The following CDK20 variants were observed in gnomAD, a reference collection of about 807,000 sequenced individuals.
CDK20 encodes the protein cyclin dependent kinase 20, also known as cyclin-dependent kinase 20.
A neutral mutation model predicts 38.6 loss-of-function variants in CDK20; 40 were observed. That is an observed-to-expected ratio of 1.04 (90% CI 0.81 to 1.35). The LOEUF (loss-of-function observed/expected upper bound fraction) is 1.35. Ranked by LOEUF, CDK20 falls within the 40% of genes most tolerant of loss-of-function variation. CDK20 has a pLI of 0.00. For missense variants in CDK20, 512 were observed against 452.6 expected (o/e 1.13, Z -1.19); for synonymous variants, 209 against 185.7 (o/e 1.13, Z -1.02).
chr9:87,972,596 G>A (rs1437394458), intron 2 of CDK20, among the ~76,000 whole-genome samples: 1 of 152,212 alleles, frequency 6.6e-6, no homozygotes, highest in African/African-American at 2.4e-5. Flanking sequence ...TTACGCAGGG[G>A]AGCCGATGAC....
chr9:87,969,929 CAGA>C lies in CDK20; in HGVS notation c.564-13_564-11del. On this transcript the variant is annotated splice_polypyrimidine_tract_variant and intron_variant, in intron 5 of 7. Transcript: ENST00000325303. ...GATGCAGCCCACAGACCTGTGGACA[CAGA>C]GCCCCAAGCAGGTCAGAGATCTCCC... is the stretch of plus-strand genomic sequence containing the variant. 1 of 1,551,328 alleles carries C rather than the reference CAGA, an allele frequency of 6.4e-7. No homozygotes were observed. The highest frequency in any genetic ancestry group is 1.4e-5 in the African/African-American group (1 of 73,204).
chr9:87,967,209 G>C lies in CDK20; in HGVS notation c.*253C>G. 1.4e-6 allele frequency: 1 copy of C among 690,082 alleles called. No homozygotes were observed. The highest frequency in any genetic ancestry group is 2.7e-6 in the Non-Finnish European group (1 of 372,926). 42.7% of individuals were successfully genotyped at this position (690,082 alleles called of 1,614,324 possible). On this transcript the variant is annotated 3_prime_UTR_variant, in exon 8 of 8. Transcript: ENST00000325303. ...GCTCACTGTCCTGATGGGTACGTCA[G>C]TAGCACACAGAAGGTAAGGCTCACC...
intron 6 of CDK20, 157 bp downstream of exon 6, chr9:87,969,639 G>A (rs956413352): frequency 2.5e-6 from 3 of 1,186,216 alleles, no homozygotes; most frequent in East Asian, 2.4e-5. Flanking sequence ...ATGACAGCAG[G>A]AAGGAGGAAG....
At chr9:87,969,460 C>T in intron 6 of CDK20, 111 bp from the exon 7 acceptor site, 1 of 1,189,068 alleles carries the variant, frequency 8.4e-7, no homozygotes, top group Non-Finnish European at 1.2e-6. Flanking sequence ...GGGTGCTCTC[C>T]CATCCATGTG....
chr9:87,970,951 G>C (rs1829808283), intron 3 of CDK20, 54 bp from the exon 4 acceptor site: 1 of 1,607,226 alleles, frequency 6.2e-7, no homozygotes, highest in African/African-American at 1.3e-5. Flanking sequence ...AGGACCTTGG[G>C]ACAAGCGGGC....
At chr9:87,969,999 G>A in intron 5 of CDK20, 80 bp from the exon 6 acceptor site, 13 of 1,440,002 alleles carry the variant, frequency 9.0e-6, no homozygotes. Context: ...CTCTAACACT[G>A]CACTCCAGGG....
At chr9:87,971,544 T>C (rs141032682) in intron 2 of CDK20, among the ~76,000 whole-genome samples, 353 of 152,310 alleles carry the variant, frequency 2.3e-3, no homozygotes, top group African/African-American at 8.2e-3. Flanking sequence ...CCCACTCTAA[T>C]TCTCCATGAA....
chr9:87,970,573 A>G lies in CDK20; in HGVS notation c.558T>C (p.Asp186=), dbSNP rs1282557384. Residue 186 remains aspartate (D), a synonymous_variant, in exon 5 of 8, where the codon GAT becomes GAC. Coordinates refer to ENST00000325303, the MANE Select transcript of CDK20 (RefSeq NM_001039803.3). ...ACCACCCACAGGGGTCTCACCACAG[A>G]TCGACGCCCTGGTCATACTGGCGGG... ...YGARQYDQGV[D]LWSVGCIMGE... is the part of the protein sequence containing the mutation. 2 of 1,613,796 alleles carry G rather than the reference A, an allele frequency of 1.2e-6. No individual in the cohort carries two copies. Among genetic ancestry groups the G allele is most frequent in the African/African-American group, 2.7e-5 (2 of 74,886 alleles).
Position 87,969,855 on chromosome 9 carries a change from T to C in CDK20, c.628A>G (p.Ile210Val), listed in dbSNP as rs1466904395. ...CGAAGCACATAGCAAAGCTGTTCAA[T>C]ATCGTTCTTGCCCGGGAAAAGGGGG... Reference protein sequence around the residue: ...GSPLFPGKNDIEQLCYVLRIL... With the variant: ...GSPLFPGKNDVEQLCYVLRIL... The change falls in exon 6 of 8, where the codon ATT becomes GTT. Residue 210 changes from isoleucine (I) to valine (V), a missense_variant. Physicochemically the swap from Ile to Val is conservative, Grantham distance 29. Coordinates refer to ENST00000325303, the MANE Select transcript of CDK20 (RefSeq NM_001039803.3). 6.2e-7 allele frequency: 1 copy of C among 1,611,598 alleles called. No individual in the cohort carries two copies. The highest frequency in any genetic ancestry group is 1.7e-5 in the Admixed American group (1 of 59,714).
At chr9:87,972,824 G>A (rs1348994803) in intron 2 of CDK20, among the ~76,000 whole-genome samples, 1 of 152,220 alleles carries the variant, frequency 6.6e-6, no homozygotes, top group Non-Finnish European at 1.5e-5. Flanking sequence ...ACACATGGCT[G>A]TCTGGAAGCC....
At chr9:87,972,615 C>A (rs185429700) in intron 2 of CDK20, among the ~76,000 whole-genome samples, 192 of 152,320 alleles carry the variant, frequency 1.3e-3, no homozygotes, top group African/African-American at 4.4e-3. Flanking sequence ...ACTTAACTTA[C>A]ACTTTTGACA....
chr9:87,970,871 G>C lies in CDK20; in HGVS notation c.405C>G (p.Ile135Met). 1 of 1,614,224 alleles carries C rather than the reference G, an allele frequency of 6.2e-7. No individual in the cohort carries two copies. Among genetic ancestry groups the C allele is most frequent in the Middle Eastern group, 1.6e-4 (1 of 6,062 alleles). The part of the protein sequence containing the change: ...HRDLKPANLL[I>M]SASGQLKIAD... ...CTATCTTGAGCTGGCCTGAGGCGCTGATGAGCAGGTTGGCAGGTTTCAGGT... is the reference window on the plus strand; with the variant it reads ...CTATCTTGAGCTGGCCTGAGGCGCTCATGAGCAGGTTGGCAGGTTTCAGGT... Residue 135 changes from isoleucine (I) to methionine (M), a missense_variant, in exon 4 of 8, where the codon ATC becomes ATG. Transcript: ENST00000325303.
chr9:87,967,760 G>T, intron 7 of CDK20, 101 bp from the exon 8 acceptor site: 3 of 1,032,592 alleles, frequency 2.9e-6, no homozygotes, highest in Non-Finnish European at 4.1e-6. Context: ...CTGACTCAGT[G>T]TGTCTGGGTG....
chr9:87,971,023 C>T, intron 3 of CDK20, 124 bp downstream of exon 3: 5 of 1,492,398 alleles, frequency 3.4e-6, no homozygotes, highest in Non-Finnish European at 3.7e-6. Flanking sequence ...ATGCCCTGGC[C>T]ACTTACCTGG....
intron 2 of CDK20, 35 bp downstream of exon 2, chr9:87,973,887 G>A (rs1830037676): frequency 1.3e-6 from 2 of 1,599,280 alleles, no homozygotes; most frequent in Non-Finnish European, 1.7e-6. Context: ...GAGCGACTGA[G>A]GGTGAGAATA....
At chr9:87,967,716 C>G in intron 7 of CDK20, 57 bp from the exon 8 acceptor site, 4 of 1,404,414 alleles carry the variant, frequency 2.8e-6, no homozygotes, top group Non-Finnish European at 3.8e-6. Context: ...CTGTCCCCAG[C>G]CTCAAGCAGA....
intron 2 of CDK20, among the ~76,000 whole-genome samples, 169 bp from the exon 3 acceptor site, chr9:87,971,504 T>C (rs1440962903): frequency 6.6e-6 from 1 of 152,192 alleles, no homozygotes; most frequent in African/African-American, 2.4e-5. Flanking sequence ...TGCTCATGAT[T>C]TGCTCTGCTC....
chr9:87,969,229 G>A lies in CDK20; in HGVS notation c.808C>T (p.Leu270Phe). The change falls in exon 7 of 8, where the codon CTC becomes TTC. Residue 270 changes from leucine to phenylalanine, a missense_variant. Physicochemically the swap from Leu to Phe is conservative, Grantham distance 22. Transcript: ENST00000325303. ...GCGATGCGCTGGTGAGGAGGGTAGAGAAGGAATTGACCCAGCAGATCCAAT... is the reference window on the plus strand; with the variant it reads ...GCGATGCGCTGGTGAGGAGGGTAGAAAAGGAATTGACCCAGCAGATCCAAT... The part of the protein sequence containing the change: ...QALDLLGQFL[L>F]YPPHQRIAAS... The A allele has an allele frequency of 1.2e-6, 2 of 1,614,108 alleles. No individual in the cohort carries two copies. The highest frequency in any genetic ancestry group is 1.7e-6 in the Non-Finnish European group (2 of 1,179,980).
At chr9:87,970,184 C>T in intron 5 of CDK20, 1 of 454,522 alleles carries the variant, frequency 2.2e-6, no homozygotes, top group Non-Finnish European at 3.9e-6. Context: ...AATCTCAGAC[C>T]CATGGGCACT....
Sources: gnomAD v4.1 joint callset for allele counts (sites outside exome capture counted in the v4.1 genomes callset) on GRCh38, gnomAD v4.1.1 for gene constraint, MANE v1.5 for transcripts, NCBI Gene and HGNC (gene_info 2026-07-23, HGNC 2026-07-21) for gene names.